Variants in SCML2 observed in about 807,000 individuals in gnomAD.
The protein encoded by SCML2 is Scm polycomb group protein like 2, also known as sex comb on midleg-like protein 2.
In SCML2, 6 loss-of-function variants were observed where a neutral mutation model predicts 48.4. That is an observed-to-expected ratio of 0.12 (90% CI 0.07 to 0.24). The LOEUF is 0.24. SCML2 is among the 10% of genes least tolerant of loss of function. SCML2 has a pLI of 1.00. For synonymous variants in SCML2, 181 were observed against 189.5 expected (o/e 0.95, Z 0.37); for missense variants, 377 against 528.2 (o/e 0.71, Z 2.81).
chrX:18,353,278 T>C (rs781170187), intron 1 of SCML2, among the ~76,000 whole-genome samples: 1 of 112,285 alleles, frequency 8.9e-6, no homozygotes, highest in Non-Finnish European at 1.9e-5. Context: ...TGAAAAGAAT[T>C]AAATATGCGT....
In SCML2 at chrX:18,305,329, C is replaced by T. The variant is rs758777084; in HGVS notation, c.487-114G>A. 1.6e-4 allele frequency: 109 copies of T among 665,428 alleles called. 1 individual carries two copies. The South Asian group carries it at 3.1e-3, about 19-fold the overall frequency. The allele number at this position is 665,428 out of a possible 1,213,427, so 54.8% of individuals were successfully genotyped here. ...CAACCCTTAGCAACCAAAAATTAAG[C>T]TCCATGTTTAATTATCAATTAATAC... is the stretch of plus-strand genomic sequence containing the variant. On this transcript the variant is annotated intron_variant, in intron 6 of 14. Transcript: ENST00000251900.
intron 8 of SCML2, among the ~76,000 whole-genome samples, chrX:18,261,852 TCTTA>T (rs1251190238): frequency 9.1e-6 from 1 of 110,297 alleles, no homozygotes; most frequent in East Asian, 2.8e-4. Context: ...TATTAACTTT[TCTTA>T]CTTTTATTTT....
chrX:18,328,286 C>G (rs1182258747), intron 3 of SCML2, among the ~76,000 whole-genome samples: 1 of 111,382 alleles, frequency 9.0e-6, no homozygotes, highest in East Asian at 2.8e-4. Context: ...ATAGAAGTTT[C>G]TCAGCTGAAT....
rs201088563 is a variant in SCML2 at position 18,323,926 on chromosome X, G to T, written c.330C>A (p.Val110=). The T allele has an allele frequency of 7.4e-6, 9 of 1,209,099 alleles. No individual in the cohort carries two copies. The highest frequency in any genetic ancestry group is 7.8e-6 in the Non-Finnish European group (7 of 894,833). Residue 110 remains valine (V), a synonymous_variant, in exon 5 of 15, where the codon GTC becomes GTA. Coordinates refer to ENST00000251900, the MANE Select transcript of SCML2 (RefSeq NM_006089.3). The stretch of plus-strand genomic sequence containing the variant: ...CAACAGGTTGTATGTCTGGGGAATC[G>T]ACAAGCCTCCAAAAATCATTTCTGT... ...SDNRNDFWRL[V]DSPDIQPVGT... is the part of the protein sequence containing the mutation.
intron 6 of SCML2, among the ~76,000 whole-genome samples, chrX:18,307,552 A>G (rs950896171): frequency 8.9e-6 from 1 of 112,146 alleles, no homozygotes; most frequent in African/African-American, 3.2e-5. Flanking sequence ...AGGACCTTAC[A>G]CTGTCTTATA....
intron 7 of SCML2, among the ~76,000 whole-genome samples, chrX:18,300,509 G>A (rs1309396401): frequency 4.5e-5 from 5 of 110,333 alleles, no homozygotes; most frequent in Non-Finnish European, 7.6e-5. Flanking sequence ...AAAAAAGATC[G>A]GCCAGGCATG....
chrX:18,321,573 TA>T (rs1929319886), intron 5 of SCML2, among the ~76,000 whole-genome samples: 1 of 87,319 alleles, frequency 1.1e-5, no homozygotes, highest in Non-Finnish European at 2.2e-5. Flanking sequence ...AAAATCCCCT[TA>T]ATCTGACCAG....
rs759760108 is a variant in SCML2 at position 18,353,515 on chromosome X, C to T, written c.-25+1077G>A. 1.5e-3 allele frequency among the ~76,000 whole-genome samples: 166 copies of T among 112,228 alleles called. 1 individual carries two copies. Among genetic ancestry groups the T allele is most frequent in the Middle Eastern group, 4.6e-3 (1 of 218 alleles). On this transcript the variant is annotated intron_variant, in intron 1 of 14. Coordinates refer to ENST00000251900, the MANE Select transcript of SCML2 (RefSeq NM_006089.3). Reference sequence around the variant, plus strand: ...ATTCACTTTCCCTGCCTCAGTTTACCCCCACTAATCGATCCATTAACTTTC... The same window carrying T: ...ATTCACTTTCCCTGCCTCAGTTTACTCCCACTAATCGATCCATTAACTTTC...
chrX:18,331,259 C>CAAAAA (rs35589774), intron 2 of SCML2, among the ~76,000 whole-genome samples: 218 of 16,265 alleles, frequency 0.013, 59 homozygotes, highest in African/African-American at 0.046. Context: ...GACTCCGTCT[C>CAAAAA]AAAAAAAAAA....
intron 7 of SCML2, among the ~76,000 whole-genome samples, chrX:18,289,546 G>A (rs1381874456): frequency 8.9e-6 from 1 of 111,734 alleles, no homozygotes; most frequent in Non-Finnish European, 1.9e-5. Context: ...AAATACTCAA[G>A]TGTTTATTCA....
At chrX:18,330,699 G>C in intron 2 of SCML2, 44 bp from the exon 3 acceptor site, 1 of 764,302 alleles carries the variant, frequency 1.3e-6, no homozygotes, top group South Asian at 2.6e-5. Flanking sequence ...CACAGCAACA[G>C]CTTGAAAGAG....
At chrX:18,283,283 TCAAA>T (rs1231895803) in intron 7 of SCML2, among the ~76,000 whole-genome samples, 2 of 111,700 alleles carry the variant, frequency 1.8e-5, no homozygotes, top group Non-Finnish European at 3.8e-5. Context: ...AGACTGGGCA[TCAAA>T]CAAACATACC....
At chrX:18,251,309 CAAAAA>C (rs750658948) in intron 11 of SCML2, among the ~76,000 whole-genome samples, 2 of 6,772 alleles carry the variant, frequency 3.0e-4, no homozygotes, top group Non-Finnish European at 6.5e-4. Flanking sequence ...GATTCCATTG[CAAAAA>C]AAAAAAAAAA....
intron 1 of SCML2, among the ~76,000 whole-genome samples, chrX:18,341,750 G>C (rs1029579342): frequency 9.0e-6 from 1 of 111,345 alleles, no homozygotes; most frequent in African/African-American, 3.3e-5. Flanking sequence ...GGAAGAATCT[G>C]CGAAGATCCT....
chrX:18,349,814 A>C (rs748772518), intron 1 of SCML2, among the ~76,000 whole-genome samples: 7 of 112,119 alleles, frequency 6.2e-5, no homozygotes, highest in East Asian at 2.8e-4. Context: ...AACAAACAAA[A>C]AAAAACCCAG....
intron 7 of SCML2, among the ~76,000 whole-genome samples, chrX:18,294,515 T>C (rs1221710437): frequency 9.0e-6 from 1 of 111,052 alleles, no homozygotes; most frequent in Admixed American, 9.6e-5. Flanking sequence ...ATCATTGCTC[T>C]AGAAAGTGAG....
At chrX:18,286,357 T>A (rs747358950) in intron 7 of SCML2, among the ~76,000 whole-genome samples, 2 of 112,014 alleles carry the variant, frequency 1.8e-5, no homozygotes, top group Non-Finnish European at 3.8e-5. Context: ...TATGTGAACC[T>A]ATTAAAAATA....
In SCML2 at chrX:18,241,245, AT is replaced by A. The variant is rs746714168; in HGVS notation, c.*5del. On this transcript the variant is annotated 3_prime_UTR_variant, in exon 15 of 15. Transcript: ENST00000251900. ...AATTATGTCCAATCTAAACTTACAC[AT>A]TTTTTTAACTGTATTTTCCTTCTTT... The A allele has an allele frequency of 1.2e-5, 14 of 1,182,441 alleles. No individual in the cohort carries two copies. The African/African-American group carries it at 1.2e-4, about 10-fold the overall frequency.
intron 1 of SCML2, among the ~76,000 whole-genome samples, chrX:18,344,394 G>T (rs1602153468): frequency 1.8e-5 from 2 of 111,835 alleles, no homozygotes; most frequent in East Asian, 5.6e-4. Flanking sequence ...TTCAAATCGA[G>T]GTTTGTCAAA....
Sources: gnomAD v4.1 joint callset for allele counts (sites outside exome capture counted in the v4.1 genomes callset) on GRCh38, gnomAD v4.1.1 for gene constraint, MANE v1.5 for transcripts, NCBI Gene and HGNC (gene_info 2026-07-23, HGNC 2026-07-21) for gene names.